Variants in INTS1 observed in about 807,000 individuals in gnomAD.
The protein encoded by INTS1 is integrator complex subunit 1.
A neutral mutation model predicts 241.6 loss-of-function variants in INTS1; 137 were observed. The ratio of observed to expected loss-of-function variants is 0.57; its 90% CI spans 0.49 to 0.65. INTS1 has a LOEUF of 0.65. Among genes scored for constraint, INTS1 ranks in the 30% least tolerant of loss-of-function variants. The pLI is 0.00. For missense variants in INTS1, 3,073 were observed against 3,032.2 expected (o/e 1.01, Z -0.32); for synonymous variants, 1,692 against 1,337.8 (o/e 1.26, Z -5.78).
intron 14 of INTS1, 97 bp downstream of exon 14, chr7:1,494,719 G>T: frequency 8.2e-7 from 1 of 1,217,714 alleles, no homozygotes. Flanking sequence ...GGGAACAGCC[G>T]CCCAACTCCC....
chr7:1,472,204 G>T, intron 44 of INTS1, 69 bp downstream of exon 44: 1 of 1,202,874 alleles, frequency 8.3e-7, no homozygotes, highest in Non-Finnish European at 1.2e-6. Context: ...AATGGCTACT[G>T]GCTGCTGCCC....
intron 12 of INTS1, 104 bp from the exon 13 acceptor site, chr7:1,495,657 C>T (rs1294093054): frequency 8.4e-6 from 12 of 1,423,950 alleles, no homozygotes; most frequent in African/African-American, 1.4e-5. Flanking sequence ...GAGGGGGTAA[C>T]TCAGGGCACC....
Position 1,493,187 on chromosome 7 carries a change from G to T in INTS1, c.2069-81C>A. The stretch of plus-strand genomic sequence containing the variant: ...GGCAGCGAGGGAACCGGCCCTGCTC[G>T]GGCCGCGTCGGGGTGGGGTGGGGGA... On this transcript the variant is annotated intron_variant, in intron 15 of 47. Coordinates refer to ENST00000404767, the MANE Select transcript of INTS1 (RefSeq NM_001080453.3). The surrounding 1 kb of genome is among the most constrained non-coding windows in gnomAD (Gnocchi z 5.3). The T allele has an allele frequency of 8.8e-7, 1 of 1,134,164 alleles. No homozygotes were observed. The highest frequency in any genetic ancestry group is 1.3e-6 in the Non-Finnish European group (1 of 766,574). 70.3% of individuals were successfully genotyped at this position (1,134,164 alleles called of 1,614,324 possible).
rs1783106302 is a variant in INTS1, at chr7:1,500,337, C to T, written c.379G>A (p.Glu127Lys). ...TCGTTGCCCTCCAGCTCGGCCGCCTCGATCTCATCCAGCAGCACCGTGGGC... is the reference window on the plus strand; with the variant it reads ...TCGTTGCCCTCCAGCTCGGCCGCCTTGATCTCATCCAGCAGCACCGTGGGC... ...VLPTVLLDEI[E>K]AAELEGNDDR... Residue 127 changes from glutamate (E) to lysine (K), a missense_variant, in exon 4 of 48, where the codon GAG (glutamate) becomes AAG (lysine). Physicochemically the swap from Glu to Lys is moderately conservative, Grantham distance 56. Transcript: ENST00000404767. 6.3e-7 allele frequency: 1 copy of T among 1,585,238 alleles called. No individual in the cohort carries two copies. Among genetic ancestry groups the T allele is most frequent in the Non-Finnish European group, 8.6e-7 (1 of 1,164,410 alleles).
At position 1,482,622 on chromosome 7, in the gene INTS1, C is replaced by T. The variant is rs1157649357; in HGVS notation, c.3627G>A (p.Ser1209=). ...AGTCAGGAAGCAGCAGCGCCTCCTC[C>T]GATGTGTCCACCAGGAAGGCGGTGG... is the stretch of plus-strand genomic sequence containing the variant. ...PLPTAFLVDT[S]EEALLLPDWL... The change falls in exon 27 of 48, where the codon TCG becomes TCA. Residue 1209 remains serine (S), a synonymous_variant. Transcript: ENST00000404767. The T allele has an allele frequency of 3.7e-6, 6 of 1,612,770 alleles. No individual in the cohort carries two copies. Among genetic ancestry groups the T allele is most frequent in the African/African-American group, 1.3e-5 (1 of 74,960 alleles).
chr7:1,471,568 C>G lies in INTS1; in HGVS notation c.6255+3G>C. The G allele has an allele frequency of 6.2e-7, 1 of 1,612,118 alleles. No individual in the cohort carries two copies. Among genetic ancestry groups the G allele is most frequent in the East Asian group, 2.2e-5 (1 of 44,872 alleles). On this transcript the variant is annotated splice_donor_region_variant and intron_variant, in intron 45 of 47. Transcript: ENST00000404767. ...AGCTCTCCCTCAGCCCCATCCAGCT[C>G]ACCGAGAAGAAGCTCAGGATCTCGG...
At chr7:1,482,114 TG>T (rs1187239669) in intron 27 of INTS1, among the ~76,000 whole-genome samples, 2 of 152,174 alleles carry the variant, frequency 1.3e-5, no homozygotes, top group African/African-American at 4.8e-5. Context: ...CTCCTCACTG[TG>T]AGCAGGCACC....
intron 40 of INTS1, 49 bp downstream of exon 40, chr7:1,474,656 C>A (rs1324828479): frequency 6.5e-7 from 1 of 1,526,864 alleles, no homozygotes; most frequent in Non-Finnish European, 8.8e-7. Context: ...GCCGCAGACC[C>A]CCCTGGTTAA....
In INTS1 at chr7:1,479,601, C is replaced by T; in HGVS notation, c.4158G>A (p.Gln1386=). Residue 1386 remains glutamine (Q), a synonymous_variant, in exon 31 of 48, where the codon CAG becomes CAA. Transcript: ENST00000404767. ...TGCCCTGGACGACGCGGGCCAGCTC[C>T]TGGCCCAGGGCCTGCTGCAGGGCGA... ...VALALQQALG[Q]ELARVVQGSP... is the part of the protein sequence containing the mutation. The T allele has an allele frequency of 6.5e-7, 1 of 1,536,818 alleles. No homozygotes were observed. Among genetic ancestry groups the T allele is most frequent in the Non-Finnish European group, 8.8e-7 (1 of 1,140,306 alleles).
At position 1,478,882 on chromosome 7, in the gene INTS1, A is replaced by C. The variant is rs574303939; in HGVS notation, c.4333T>G (p.Cys1445Gly). 5.6e-6 allele frequency: 9 copies of C among 1,598,546 alleles called. No individual in the cohort carries two copies. In the South Asian group the frequency reaches 9.9e-5, roughly 18 times the overall value. The stretch of plus-strand genomic sequence containing the variant: ...GAGAAGCCGGTGTCCTGTGGCACAC[A>C]GCGCTGCGGGGACAAAGTGGCACGT... ...LLRQLCQYQR[C>G]VPQDTGFSSL... Residue 1445 changes from cysteine to glycine, a missense_variant, in exon 32 of 48, where the codon TGT becomes GGT. By Grantham distance (159) the Cys-to-Gly change is radical. Transcript: ENST00000404767.
intron 43 of INTS1, among the ~76,000 whole-genome samples, chr7:1,472,694 G>C (rs922742338): frequency 6.6e-6 from 1 of 152,216 alleles, no homozygotes; most frequent in African/African-American, 2.4e-5. Context: ...GGAGAGACGT[G>C]CTGCGGTGCC....
rs1471272465 is a variant in INTS1 at position 1,472,364 on chromosome 7, C to A, written c.6093G>T (p.Leu2031Phe). ...TGAACAGGGAGACGCTGACCAGGGG[C>A]AAGGAGCCGGCTGAGCTCTCCTCTG... is the stretch of plus-strand genomic sequence containing the variant. ...EGEEESSAGS[L>F]PLVSVSLFTP... The change falls in exon 44 of 48, where the codon TTG becomes TTT. Residue 2031 changes from leucine (L) to phenylalanine (F), a missense_variant. Coordinates refer to ENST00000404767, the MANE Select transcript of INTS1 (RefSeq NM_001080453.3). 3 of 1,564,578 alleles carry A rather than the reference C, an allele frequency of 1.9e-6. No homozygotes were observed. Among genetic ancestry groups the A allele is most frequent in the South Asian group, 1.2e-5 (1 of 85,294 alleles).
rs773497958 is a variant in INTS1, at chr7:1,474,359, G to A, written c.5638C>T (p.His1880Tyr). ...AGGAGCGCCGCGATCATGGGCAGGT[G>A]CCTGCGGGCGCGGTGAGGGCCCAGT... ...AVAHPLLLLR[H>Y]LPMIAALLHG... Residue 1880 changes from histidine (H) to tyrosine (Y), a missense_variant and splice_region_variant, in exon 41 of 48, where the codon CAC becomes TAC. Coordinates refer to ENST00000404767, the MANE Select transcript of INTS1 (RefSeq NM_001080453.3). 5.0e-6 allele frequency: 8 copies of A among 1,587,428 alleles called. No homozygotes were observed. The highest frequency in any genetic ancestry group is 6.0e-6 in the Non-Finnish European group (7 of 1,167,338).
rs896409051 is a variant in INTS1 at position 1,493,192 on chromosome 7, G to A, written c.2069-86C>T. ...CGAGGGAACCGGCCCTGCTCGGGCC[G>A]CGTCGGGGTGGGGTGGGGGATGCCG... is the stretch of plus-strand genomic sequence containing the variant. On this transcript the variant is annotated intron_variant, in intron 15 of 47. Coordinates refer to ENST00000404767, the MANE Select transcript of INTS1 (RefSeq NM_001080453.3). This position sits in a 1 kb window ranked among gnomAD's most constrained non-coding sequence, Gnocchi z 5.3. The A allele has an allele frequency of 3.2e-5, 35 of 1,078,444 alleles. 1 individual carries two copies. Among genetic ancestry groups the A allele is most frequent in the South Asian group, 2.0e-4 (15 of 73,334 alleles). 66.8% of individuals were successfully genotyped at this position (1,078,444 alleles called of 1,614,324 possible). A position where few individuals can be genotyped will look rare whatever the true frequency, so the allele number is the denominator to read the frequency against.
At position 1,503,883 on chromosome 7, in the gene INTS1, G is replaced by C. The variant is rs1369547740; in HGVS notation, c.58+20C>G. On this transcript the variant is annotated intron_variant, in intron 2 of 47. Transcript: ENST00000404767. ...GACCCCCAAAGACCCCCGGGCTGCA[G>C]AGCGAGGAGGGAGACGCACCTGAGG... is the stretch of plus-strand genomic sequence containing the variant. The C allele has an allele frequency of 4.6e-6, 6 of 1,302,864 alleles. No individual in the cohort carries two copies. The highest frequency in any genetic ancestry group is 6.1e-6 in the Non-Finnish European group (6 of 980,154). 80.7% of individuals were successfully genotyped at this position (1,302,864 alleles called of 1,614,324 possible).
In INTS1 at chr7:1,471,621, C is replaced by T. The variant is rs1562482227; in HGVS notation, c.6205G>A (p.Asp2069Asn). The change falls in exon 45 of 48, where the codon GAC (aspartate) becomes AAC (asparagine). Residue 2069 changes from aspartate (D) to asparagine (N), a missense_variant. Transcript: ENST00000404767. ...TVEDLLEVLS[D>N]IDEMSRRRPE... ...CTCCGCCGGGACATCTCGTCTATGT[C>T]ACTCAGAACCTCCAGCAGATCTGAC... 2 of 1,612,294 alleles carry T rather than the reference C, an allele frequency of 1.2e-6. No individual in the cohort carries two copies. The highest frequency in any genetic ancestry group is 1.7e-6 in the Non-Finnish European group (2 of 1,179,816).
chr7:1,486,581 T>G (rs1330569558), intron 22 of INTS1, 44 bp downstream of exon 22: 5 of 1,582,096 alleles, frequency 3.2e-6, no homozygotes, highest in East Asian at 4.6e-5. Context: ...CTACTCATTT[T>G]AAACATGAAG....
At chr7:1,473,332 C>A in intron 42 of INTS1, 148 bp from the exon 43 acceptor site, 3 of 718,996 alleles carry the variant, frequency 4.2e-6, no homozygotes, top group Non-Finnish European at 6.9e-6. Flanking sequence ...GGCGGGGAAG[C>A]CACATGTGCG....
At position 1,500,045 on chromosome 7, in the gene INTS1, G is replaced by A. The variant is rs200813555; in HGVS notation, c.547-24C>T. The A allele has an allele frequency of 6.4e-4, 1,030 of 1,610,398 alleles. 2 individuals carry two copies. The African/African-American group carries it at 0.012, about 19-fold the overall frequency. On this transcript the variant is annotated intron_variant, in intron 4 of 47. Coordinates refer to ENST00000404767, the MANE Select transcript of INTS1 (RefSeq NM_001080453.3). ...GCCTGCCAGGGAGGGCGCATGTCAC[G>A]TGGGAGCTTCGCTGGCCCCAGAGGC...
Sources: gnomAD v4.1 joint callset for allele counts (sites outside exome capture counted in the v4.1 genomes callset) on GRCh38, gnomAD v4.1.1 for gene constraint, Gnocchi (gnomAD v3.1) non-coding constraint, MANE v1.5 for transcripts, NCBI Gene and HGNC (gene_info 2026-07-23, HGNC 2026-07-21) for gene names.